C19orf25: variants seen among roughly 807,000 people sequenced by gnomAD.
C19orf25 encodes UPF0449 protein C19orf25.
Under a neutral mutation model 3.1 loss-of-function variants are expected in C19orf25, and 1 was observed. The observed-to-expected ratio is 0.32, with a 90% CI of 0.12 to 1.54. C19orf25 has a LOEUF of 1.54. C19orf25 is among the 40% of genes most tolerant of loss of function. The pLI, the probability that C19orf25 is intolerant of heterozygous loss-of-function variation, is 0.38. For synonymous variants in C19orf25, 91 were observed against 74.3 expected, an observed-to-expected ratio of 1.23 and a Z score of -1.16; for missense variants, 196 against 160.4, an observed-to-expected ratio of 1.22 and a Z score of -1.20.
chr19:1,478,432 TTTG>T, intron 2 of C19orf25: 1 of 510,758 alleles, frequency 2.0e-6, no homozygotes, highest in African/African-American at 2.0e-5. Flanking sequence ...TGTTTTTGTT[TTTG>T]TTTTGTTTTT....
In C19orf25 at chr19:1,475,026, G is replaced by A. The variant is rs755404113; in HGVS notation, c.*6C>T. ...TGCGCTGCCCAAGCCTGCAGGCCCC[G>A]AGAGGTCAGCCTGAGGAGGCAGCCT... On this transcript the variant is annotated 3_prime_UTR_variant, in exon 3 of 3. Coordinates refer to ENST00000585675, the MANE Select transcript of C19orf25 (RefSeq NM_152482.3). 48 of 1,578,600 alleles carry A rather than the reference G, an allele frequency of 3.0e-5. 1 individual carries two copies. Among genetic ancestry groups the A allele is most frequent in the Middle Eastern group, 3.3e-4 (2 of 6,062 alleles).
intron 2 of C19orf25, among the ~76,000 whole-genome samples, chr19:1,477,063 G>A (rs968154575): frequency 1.3e-5 from 2 of 149,276 alleles, no homozygotes; most frequent in African/African-American, 2.5e-5. Flanking sequence ...ACAGTGGCAC[G>A]ATCTCAGCTC....
At chr19:1,476,561 C>G (rs1023453437) in intron 2 of C19orf25, 1 of 349,744 alleles carries the variant, frequency 2.9e-6, no homozygotes, top group Non-Finnish European at 5.1e-6. Context: ...CACCTCCCAC[C>G]GATGCTGGTC....
chr19:1,475,684 G>A, intron 2 of C19orf25: 1 of 181,808 alleles, frequency 5.5e-6, no homozygotes, highest in Non-Finnish European at 1.1e-5. Flanking sequence ...ATGAGACCCT[G>A]TCTCAAAAAT....
At position 1,473,716 on chromosome 19, in the gene C19orf25, G is replaced by C. The variant is rs1470616477; in HGVS notation, c.*1316C>G. 1 of 152,550 alleles carries C rather than the reference G, an allele frequency of 6.6e-6. No individual in the cohort carries two copies. Among genetic ancestry groups the C allele is most frequent in the Non-Finnish European group, 1.5e-5 (1 of 68,298 alleles). The allele number at this position is 152,550 out of a possible 1,614,324, so 9.4% of individuals were successfully genotyped here. A position where few individuals can be genotyped will look rare whatever the true frequency, so the allele number is the denominator to read the frequency against. ...CAGGGAGCACAGCCCTGGCCCAGCT[G>C]GGGGGACAAGGAAAGCTATGACTGC... On this transcript the variant is annotated 3_prime_UTR_variant, in exon 3 of 3. Coordinates refer to ENST00000585675, the MANE Select transcript of C19orf25 (RefSeq NM_152482.3).
intron 2 of C19orf25, chr19:1,476,431 G>A (rs908943725): frequency 1.0e-5 from 4 of 396,422 alleles, no homozygotes; most frequent in Non-Finnish European, 1.8e-5. Flanking sequence ...ATGGACCTGA[G>A]CCCATGAAGC....
intron 2 of C19orf25, among the ~76,000 whole-genome samples, chr19:1,477,127 G>A (rs1453939304): frequency 6.6e-6 from 1 of 151,980 alleles, no homozygotes; most frequent in East Asian, 1.9e-4. Context: ...AGCCTCCCAA[G>A]TAGCAGGGAT....
intron 1 of C19orf25, 43 bp downstream of exon 1, chr19:1,479,120 C>T (rs2084238115): frequency 7.6e-7 from 1 of 1,320,316 alleles, no homozygotes; most frequent in Non-Finnish European, 9.6e-7. Flanking sequence ...CAACCTCTGC[C>T]TCAGTTTCCC....
rs954335085 is a variant in C19orf25 at position 1,474,498 on chromosome 19, C to T, written c.*534G>A. On this transcript the variant is annotated 3_prime_UTR_variant, in exon 3 of 3. Coordinates refer to ENST00000585675, the MANE Select transcript of C19orf25 (RefSeq NM_152482.3). ...GGCTGCTTCTCTTGGGTGACCCCAG[C>T]GGCCCAGGGTCGTTGTGAAGATCAA... 2.4e-5 allele frequency: 6 copies of T among 245,034 alleles called. No homozygotes were observed. Among genetic ancestry groups the T allele is most frequent in the South Asian group, 1.4e-4 (1 of 7,118 alleles). 15.2% of individuals were successfully genotyped at this position (245,034 alleles called of 1,614,324 possible). A position where few individuals can be genotyped will look rare whatever the true frequency, so the allele number is the denominator to read the frequency against.
rs117645255 is a variant in C19orf25, at chr19:1,475,498, T to C, written c.131-240A>G. ...GAGTTAGAGACCAGCCTGGACAACA[T>C]AGTGACACCCCCATCTCTACCAAAA... On this transcript the variant is annotated intron_variant, in intron 2 of 2. Transcript: ENST00000585675. 4.2e-3 allele frequency: 2,130 copies of C among 506,746 alleles called. 4 individuals carry two copies. The highest frequency in any genetic ancestry group is 6.0e-3 in the South Asian group (196 of 32,652). 31.4% of individuals were successfully genotyped at this position (506,746 alleles called of 1,614,324 possible). A position where few individuals can be genotyped will look rare whatever the true frequency, so the allele number is the denominator to read the frequency against.
Position 1,475,462 on chromosome 19 carries a change from C to T in C19orf25, c.131-204G>A, listed in dbSNP as rs557681152. The T allele has an allele frequency of 5.2e-6, 3 of 582,230 alleles. No homozygotes were observed. The East Asian group carries it at 8.5e-5, about 16-fold the overall frequency. 36.1% of individuals were successfully genotyped at this position (582,230 alleles called of 1,614,324 possible). ...TTGGGAGGCCGAGGCGGGAGGAACA[C>T]TTGAGCCCAAGAGTTAGAGACCAGC... On this transcript the variant is annotated intron_variant, in intron 2 of 2. Coordinates refer to ENST00000585675, the MANE Select transcript of C19orf25 (RefSeq NM_152482.3).
Position 1,475,132 on chromosome 19 carries a change from C to T in C19orf25, c.257G>A (p.Arg86Lys). 6.2e-7 allele frequency: 1 copy of T among 1,600,446 alleles called. No homozygotes were observed. The highest frequency in any genetic ancestry group is 8.5e-7 in the Non-Finnish European group (1 of 1,174,682). Residue 86 changes from arginine to lysine, a missense_variant, in exon 3 of 3, where the codon AGG becomes AAG. Coordinates refer to ENST00000585675, the MANE Select transcript of C19orf25 (RefSeq NM_152482.3). ...LQQAGNVLRQ[R>K]CELLQRAGED... Reference sequence around the variant, plus strand: ...GCCGGCTCGCTGCAGGAGCTCACACCTCTGCCTCAGCACGTTGCCCGCCTG... The same window carrying T: ...GCCGGCTCGCTGCAGGAGCTCACACTTCTGCCTCAGCACGTTGCCCGCCTG...
Position 1,478,892 on chromosome 19 carries a change from C to G in C19orf25, c.12G>C (p.Lys4Asn). 1 of 1,594,076 alleles carries G rather than the reference C, an allele frequency of 6.3e-7. No homozygotes were observed. The highest frequency in any genetic ancestry group is 8.5e-7 in the Non-Finnish European group (1 of 1,172,200). MGSKAKKRVLLPTR... is the reference protein window; with the variant it reads MGSNAKKRVLLPTR... ...TGGGCAGCAGCACGCGCTTCTTTGC[C>G]TTGGAGCCCATCTCTGAAGGCGGGG... is the stretch of plus-strand genomic sequence containing the variant. Residue 4 changes from lysine to asparagine, a missense_variant, in exon 2 of 3, where the codon AAG (lysine) becomes AAC (asparagine). Lys to Asn is a moderately conservative substitution (Grantham distance 94, BLOSUM62 0). Coordinates refer to ENST00000585675, the MANE Select transcript of C19orf25 (RefSeq NM_152482.3).
intron 2 of C19orf25, chr19:1,478,501 T>TGGGCTCAAGCGATCCTCCC: frequency 9.7e-7 from 1 of 1,030,152 alleles, no homozygotes; most frequent in Non-Finnish European, 1.3e-6. Context: ...CTCGAACTCC[T>TGGGCTCAAGCGATCCTCCC]GGGCTCAAGC....
At chr19:1,478,174 G>C (rs2084225158) in intron 2 of C19orf25, among the ~76,000 whole-genome samples, 1 of 152,086 alleles carries the variant, frequency 6.6e-6, no homozygotes, top group Non-Finnish European at 1.5e-5. Flanking sequence ...TGGCTGTGTT[G>C]CCTAGGCTGT....
chr19:1,478,810 C>A lies in C19orf25; in HGVS notation c.94G>T (p.Ala32Ser), dbSNP rs928464002. 1.9e-6 allele frequency: 3 copies of A among 1,585,758 alleles called. No individual in the cohort carries two copies. The highest frequency in any genetic ancestry group is 2.7e-5 in the African/African-American group (2 of 74,066). ...AGGATGGTGAACACTGGATCCTCTG[C>A]CGGCGCACCCCGCACATCCTCCAGG... ...QILEDVRGAPAEDPVFTILAP... is the reference protein window; with the variant it reads ...QILEDVRGAPSEDPVFTILAP... Residue 32 changes from alanine (A) to serine (S), a missense_variant, in exon 2 of 3, where the codon GCA becomes TCA. By Grantham distance (99) the Ala-to-Ser change is moderately conservative. Coordinates refer to ENST00000585675, the MANE Select transcript of C19orf25 (RefSeq NM_152482.3).
chr19:1,478,191 C>T (rs2145291460), intron 2 of C19orf25, among the ~76,000 whole-genome samples: 1 of 151,994 alleles, frequency 6.6e-6, no homozygotes, highest in East Asian at 1.9e-4. Flanking sequence ...CTGTATCCTC[C>T]CACTTTAGCC....
At chr19:1,477,410 C>T (rs917580325) in intron 2 of C19orf25, among the ~76,000 whole-genome samples, 1 of 152,232 alleles carries the variant, frequency 6.6e-6, no homozygotes, top group Non-Finnish European at 1.5e-5. Flanking sequence ...GAGCCCAGCA[C>T]ACAGGAAGTG....
chr19:1,476,521 C>T (rs1034316008), intron 2 of C19orf25: 3 of 382,396 alleles, frequency 7.8e-6, no homozygotes, highest in Non-Finnish European at 1.4e-5. Flanking sequence ...TGACCAGTAC[C>T]GGCCCACAGA....
Sources: gnomAD v4.1 joint callset for allele counts (sites outside exome capture counted in the v4.1 genomes callset) on GRCh38, gnomAD v4.1.1 for gene constraint, MANE v1.5 for transcripts, NCBI Gene and HGNC (gene_info 2026-07-23, HGNC 2026-07-21) for gene names.